Variants in FHIT observed in about 807,000 individuals in gnomAD.
FHIT encodes fragile histidine triad diadenosine triphosphatase.
Under a neutral mutation model 17.9 loss-of-function variants are expected in FHIT, and 19 were observed. That is an observed-to-expected ratio of 1.06 (90% CI 0.74 to 1.56). The LOEUF is 1.56. Ranked by LOEUF, FHIT falls within the 40% of genes most tolerant of loss-of-function variation. The pLI is 0.00. For missense variants in FHIT, 248 were observed against 189.2 expected, an observed-to-expected ratio of 1.31 and a Z score of -1.82; for synonymous variants, 81 against 69.7, an observed-to-expected ratio of 1.16 and a Z score of -0.81.
chr3:60,593,874 A>G (rs1553665284), intron 4 of FHIT, among the ~76,000 whole-genome samples: 3 of 152,252 alleles, frequency 2.0e-5, no homozygotes, highest in African/African-American at 2.4e-5. Context: ...TTCACAAAAA[A>G]AACTAATTCC....
chr3:59,967,962 T>A (rs1708005693), intron 7 of FHIT, among the ~76,000 whole-genome samples: 1 of 152,182 alleles, frequency 6.6e-6, no homozygotes, highest in African/African-American at 2.4e-5. Flanking sequence ...GCAAGTTATA[T>A]GACATACTCT....
chr3:60,223,408 T>A (rs559655344), intron 5 of FHIT, among the ~76,000 whole-genome samples: 1 of 152,290 alleles, frequency 6.6e-6, no homozygotes, highest in East Asian at 1.9e-4. Context: ...GAATCATACA[T>A]CATCTTTGCA....
chr3:60,229,443 A>T (rs532812461), intron 5 of FHIT, among the ~76,000 whole-genome samples: 1 of 151,832 alleles, frequency 6.6e-6, no homozygotes, highest in Admixed American at 6.6e-5. Flanking sequence ...AAAAAGAAAA[A>T]GAAAAGAAAA....
chr3:60,920,409 T>C (rs1038082183), intron 3 of FHIT, among the ~76,000 whole-genome samples: 1 of 152,126 alleles, frequency 6.6e-6, no homozygotes, highest in African/African-American at 2.4e-5. Context: ...ATTTCATTGA[T>C]AAAATACTTC....
intron 5 of FHIT, among the ~76,000 whole-genome samples, chr3:60,322,183 A>G (rs747050619): frequency 4.6e-5 from 7 of 152,208 alleles, no homozygotes; most frequent in Non-Finnish European, 8.8e-5. Flanking sequence ...ATGCCTGCTC[A>G]ATGTGTGGAA....
At chr3:60,023,345 A>G (rs1700620262) in intron 5 of FHIT, among the ~76,000 whole-genome samples, 1 of 152,196 alleles carries the variant, frequency 6.6e-6, no homozygotes, top group Non-Finnish European at 1.5e-5. Flanking sequence ...CTCACCATAT[A>G]CACAGTTTCA....
chr3:60,507,097 A>G (rs1357146442), intron 5 of FHIT, among the ~76,000 whole-genome samples: 4 of 152,198 alleles, frequency 2.6e-5, no homozygotes, highest in Non-Finnish European at 5.9e-5. Flanking sequence ...GCTATCAAGG[A>G]AAGAAATGTG....
At chr3:59,869,443 T>G (rs1249557463) in intron 8 of FHIT, among the ~76,000 whole-genome samples, 1 of 151,946 alleles carries the variant, frequency 6.6e-6, no homozygotes, top group African/African-American at 2.4e-5. Flanking sequence ...GCCTGCATTT[T>G]CATGTACTAG....
intron 2 of FHIT, among the ~76,000 whole-genome samples, chr3:61,151,246 C>G (rs1156915935): frequency 6.6e-6 from 1 of 152,160 alleles, no homozygotes; most frequent in Non-Finnish European, 1.5e-5. Flanking sequence ...GACATGATTT[C>G]AAGATGAGAG....
At chr3:60,509,077 A>T (rs1559501353) in intron 5 of FHIT, among the ~76,000 whole-genome samples, 1 of 152,078 alleles carries the variant, frequency 6.6e-6, no homozygotes. Context: ...CAACTCCCCC[A>T]TTGCAAGCAG....
At chr3:60,121,709 A>AACAAAACAAAAACACACAC (rs1705261038) in intron 5 of FHIT, among the ~76,000 whole-genome samples, 336 of 116,388 alleles carry the variant, frequency 2.9e-3, no homozygotes, top group African/African-American at 0.01. Flanking sequence ...AAACAAAACA[A>AACAAAACAAAAACACACAC]ACACACACAC....
At chr3:60,134,674 C>T (rs1699739129) in intron 5 of FHIT, among the ~76,000 whole-genome samples, 1 of 152,290 alleles carries the variant, frequency 6.6e-6, no homozygotes, top group Admixed American at 6.5e-5. Flanking sequence ...CTCTTGCCAG[C>T]CAATCCTCCA....
chr3:61,103,182 T>C (rs2035885385), intron 2 of FHIT, among the ~76,000 whole-genome samples: 1 of 152,238 alleles, frequency 6.6e-6, no homozygotes, highest in African/African-American at 2.4e-5. Context: ...CTTTGTGTTG[T>C]GGGCATTTAG....
chr3:59,953,866 C>G (rs1347848928), intron 7 of FHIT, among the ~76,000 whole-genome samples: 7 of 152,170 alleles, frequency 4.6e-5, no homozygotes, highest in Non-Finnish European at 8.8e-5. Flanking sequence ...CTGGTGTACC[C>G]CCTTCTCATT....
At chr3:59,974,733 G>A (rs535505652) in intron 7 of FHIT, among the ~76,000 whole-genome samples, 149 of 152,186 alleles carry the variant, frequency 9.8e-4, no homozygotes, top group African/African-American at 3.5e-3. Context: ...CACACTATAA[G>A]CTGAAAGTGC....
At chr3:61,095,329 G>A (rs2035605026) in intron 2 of FHIT, among the ~76,000 whole-genome samples, 1 of 152,020 alleles carries the variant, frequency 6.6e-6, no homozygotes, top group Non-Finnish European at 1.5e-5. Flanking sequence ...CATTTCCCAG[G>A]GCCCCCTCTG....
At chr3:60,685,364 C>T (rs1266196711) in intron 4 of FHIT, among the ~76,000 whole-genome samples, 1 of 152,160 alleles carries the variant, frequency 6.6e-6, no homozygotes, top group Non-Finnish European at 1.5e-5. Context: ...CCTACAATGT[C>T]ATCCTCTTTC....
chr3:61,114,028 T>C (rs949598414), intron 2 of FHIT, among the ~76,000 whole-genome samples: 2 of 152,196 alleles, frequency 1.3e-5, no homozygotes, highest in Non-Finnish European at 2.9e-5. Flanking sequence ...CTATGACTAT[T>C]GAGGTATATT....
At chr3:61,097,883 C>T (rs2035691531) in intron 2 of FHIT, among the ~76,000 whole-genome samples, 1 of 152,164 alleles carries the variant, frequency 6.6e-6, no homozygotes, top group African/African-American at 2.4e-5. Flanking sequence ...CAAAAATTTT[C>T]TCCCATTCTG....
Sources: gnomAD v4.1 joint callset for allele counts (sites outside exome capture counted in the v4.1 genomes callset) on GRCh38, gnomAD v4.1.1 for gene constraint, MANE v1.5 for transcripts, NCBI Gene and HGNC (gene_info 2026-07-23, HGNC 2026-07-21) for gene names.